Variants in ODAD2 observed in about 807,000 individuals in gnomAD.
ODAD2 encodes the protein outer dynein arm-docking complex subunit 2.
Under a neutral mutation model 106.8 loss-of-function variants are expected in ODAD2, and 89 were observed. That is an observed-to-expected ratio of 0.83 (90% CI 0.70 to 0.99). ODAD2 has a LOEUF of 0.99. Ranked by LOEUF, ODAD2 falls within the 50% of genes least tolerant of loss-of-function variation. ODAD2 has a pLI of 0.00. For missense variants in ODAD2, 1,168 were observed against 1,238.5 expected, an observed-to-expected ratio of 0.94 and a Z score of 0.85; for synonymous variants, 404 against 436.2, an observed-to-expected ratio of 0.93 and a Z score of 0.92.
chr10:27,974,039 T>C (rs1333979411), intron 7 of ODAD2, among the ~76,000 whole-genome samples: 5 of 152,230 alleles, frequency 3.3e-5, no homozygotes, highest in African/African-American at 1.2e-4. Context: ...ATCAGTGATA[T>C]TGAGCTTTTT....
chr10:27,886,702 GTA>G (rs1842243568), intron 17 of ODAD2, among the ~76,000 whole-genome samples: 1 of 152,026 alleles, frequency 6.6e-6, no homozygotes, highest in South Asian at 2.1e-4. Flanking sequence ...ATGTCAATGA[GTA>G]TGCAATATAT....
At chr10:27,984,583 T>C (rs1849759831) in intron 4 of ODAD2, among the ~76,000 whole-genome samples, 1 of 152,194 alleles carries the variant, frequency 6.6e-6, no homozygotes. Context: ...AAACTCTACA[T>C]GATATCTGCA....
chr10:27,957,587 G>C (rs1847826111), intron 10 of ODAD2: 1 of 152,160 alleles, frequency 6.6e-6, no homozygotes, highest in African/African-American at 2.4e-5. Context: ...CATCACCTAT[G>C]GGGGAGAAAA....
intron 19 of ODAD2, among the ~76,000 whole-genome samples, chr10:27,829,370 T>A (rs1837305250): frequency 6.6e-6 from 1 of 152,212 alleles, no homozygotes; most frequent in African/African-American, 2.4e-5. Flanking sequence ...CAGTAATTGC[T>A]TTTTTCAAAC....
chr10:27,908,763 G>GA (rs11376464), intron 16 of ODAD2, among the ~76,000 whole-genome samples: 82,356 of 151,634 alleles, frequency 0.54, 22,528 homozygotes, highest in Middle Eastern at 0.63. Flanking sequence ...TACCAGGGGG[G>GA]AAAAATGTAT....
At chr10:27,897,839 G>A (rs867635569) in intron 17 of ODAD2, among the ~76,000 whole-genome samples, 1 of 152,092 alleles carries the variant, frequency 6.6e-6, no homozygotes, top group Non-Finnish European at 1.5e-5. Flanking sequence ...AAGAGAAATG[G>A]AACAGGAAGA....
intron 19 of ODAD2, among the ~76,000 whole-genome samples, chr10:27,828,842 A>T (rs1018657932): frequency 6.6e-6 from 1 of 152,228 alleles, no homozygotes; most frequent in Non-Finnish European, 1.5e-5. Flanking sequence ...AAAAAAGCCA[A>T]ACTGAGAATT....
At chr10:27,870,563 T>C (rs1840791749) in intron 17 of ODAD2, among the ~76,000 whole-genome samples, 1 of 152,076 alleles carries the variant, frequency 6.6e-6, no homozygotes, top group Non-Finnish European at 1.5e-5. Context: ...GTCCAAGTGT[T>C]CTCATTGTTC....
chr10:27,822,723 G>A (rs1158054830), intron 19 of ODAD2, among the ~76,000 whole-genome samples: 1 of 152,158 alleles, frequency 6.6e-6, no homozygotes. Flanking sequence ...CAAAACCTTT[G>A]GTTCTATTTG....
chr10:27,994,116 TA>T (rs1391498970), intron 2 of ODAD2, among the ~76,000 whole-genome samples: 1 of 152,088 alleles, frequency 6.6e-6, no homozygotes, highest in Non-Finnish European at 1.5e-5. Flanking sequence ...TGTGTGTATA[TA>T]TATATTTTAG....
chr10:27,927,172 A>G (rs947650107), intron 16 of ODAD2, among the ~76,000 whole-genome samples: 1 of 152,186 alleles, frequency 6.6e-6, no homozygotes, highest in Non-Finnish European at 1.5e-5. Context: ...ATTAATATTA[A>G]GATGACATTT....
intron 17 of ODAD2, among the ~76,000 whole-genome samples, chr10:27,891,424 A>G (rs1168477077): frequency 6.6e-6 from 1 of 151,994 alleles, no homozygotes; most frequent in Admixed American, 6.6e-5. Flanking sequence ...TGTCTAAACA[A>G]GTAGCAAAAT....
intron 16 of ODAD2, among the ~76,000 whole-genome samples, chr10:27,913,776 C>A (rs947094209): frequency 1.3e-5 from 2 of 152,082 alleles, no homozygotes; most frequent in East Asian, 3.9e-4. Context: ...ATCAAAACCA[C>A]AAGAAGATAC....
Position 27,934,980 on chromosome 10 carries a change from T to A in ODAD2, c.2495+30A>T, listed in dbSNP as rs192128600. The stretch of plus-strand genomic sequence containing the variant: ...CCAAGTGTTCTCCCTAACACTTATA[T>A]AAAATCTTTCCATCTCCAGGGCCAC... On this transcript the variant is annotated intron_variant, in intron 16 of 19. Transcript: ENST00000305242. 2.9e-5 allele frequency: 46 copies of A among 1,612,866 alleles called. No individual in the cohort carries two copies. The Admixed American group carries it at 3.8e-4, about 13-fold the overall frequency.
At chr10:27,874,717 G>C (rs2133482462) in intron 17 of ODAD2, among the ~76,000 whole-genome samples, 1 of 152,308 alleles carries the variant, frequency 6.6e-6, no homozygotes, top group Middle Eastern at 3.4e-3. Context: ...TTTCTGCCGA[G>C]AGATCCACTG....
At position 27,985,014 on chromosome 10, in the gene ODAD2, C is replaced by T; in HGVS notation, c.575+5G>A. On this transcript the variant is annotated splice_donor_5th_base_variant and intron_variant, in intron 4 of 19. Coordinates refer to ENST00000305242, the MANE Select transcript of ODAD2 (RefSeq NM_018076.5). ...AATAGAGGTTCCTTTTTGAAAAAGA[C>T]TCACAATGAAATATGTTTTAGAGAA... The T allele has an allele frequency of 6.2e-7, 1 of 1,601,038 alleles. No individual in the cohort carries two copies.
intron 19 of ODAD2, among the ~76,000 whole-genome samples, chr10:27,848,181 G>T (rs1364108663): frequency 6.6e-6 from 1 of 152,128 alleles, no homozygotes; most frequent in Non-Finnish European, 1.5e-5. Flanking sequence ...ATACTACAAG[G>T]CTACAGTAAC....
At chr10:27,923,088 AG>A (rs1418199243) in intron 16 of ODAD2, among the ~76,000 whole-genome samples, 2 of 152,172 alleles carry the variant, frequency 1.3e-5, no homozygotes, top group African/African-American at 4.8e-5. Flanking sequence ...GCAATAACAA[AG>A]AACAAAGACT....
Position 27,936,859 on chromosome 10 carries a change from G to C in ODAD2, c.2119C>G (p.Arg707Gly). The C allele has an allele frequency of 6.2e-7, 1 of 1,611,280 alleles. No homozygotes were observed. The highest frequency in any genetic ancestry group is 8.5e-7 in the Non-Finnish European group (1 of 1,179,096). Residue 707 changes from arginine to glycine, a missense_variant, in exon 15 of 20, where the codon CGG becomes GGG. By Grantham distance (125) the Arg-to-Gly change is moderately radical. Coordinates refer to ENST00000305242, the MANE Select transcript of ODAD2 (RefSeq NM_018076.5). Reference protein sequence around the residue: ...IYQCAEDKETRDLVRLHGGLK... With the variant: ...IYQCAEDKETGDLVRLHGGLK... Reference sequence around the variant, plus strand: ...CCTCCGTGCAGCCTAACGAGGTCCCGGGTTTCCTTATCTTCAGCACACTGC... The same window carrying C: ...CCTCCGTGCAGCCTAACGAGGTCCCCGGTTTCCTTATCTTCAGCACACTGC...
Sources: allele counts gnomAD v4.1 joint callset (sites outside exome capture counted in the v4.1 genomes callset), GRCh38; gene constraint gnomAD v4.1.1; transcripts MANE v1.5; gene names NCBI Gene and HGNC (gene_info 2026-07-23, HGNC 2026-07-21).